Variants in NEK4 observed in about 807,000 individuals in gnomAD.
NEK4 encodes the protein NIMA related kinase 4, also known as serine/threonine-protein kinase Nek4.
Under a neutral mutation model 98.4 loss-of-function variants are expected in NEK4, and 86 were observed. The observed-to-expected ratio is 0.87, with a 90% CI of 0.73 to 1.05. The LOEUF (loss-of-function observed/expected upper bound fraction) is 1.05, where lower values mean the gene tolerates loss of function less well. NEK4 is among the 50% of genes least tolerant of loss of function. The probability of loss-of-function intolerance (pLI) is 0.00; values close to 1 mark genes in which losing one functional copy is unlikely to be tolerated. For missense variants in NEK4, 898 were observed against 950.3 expected (o/e 0.94, Z 0.72); for synonymous variants, 328 against 342.2 (o/e 0.96, Z 0.46).
At chr3:52,717,803 T>TC (rs2097356579) in intron 15 of NEK4, among the ~76,000 whole-genome samples, 1 of 152,066 alleles carries the variant, frequency 6.6e-6, no homozygotes, top group Non-Finnish European at 1.5e-5. Flanking sequence ...TTATTATTAT[T>TC]CTTTGAGACA....
At chr3:52,714,561 G>A (rs2097353371) in intron 15 of NEK4, among the ~76,000 whole-genome samples, 1 of 152,200 alleles carries the variant, frequency 6.6e-6, no homozygotes, top group Admixed American at 6.5e-5. Context: ...CTGTGGGGAG[G>A]GCAAGGGGAG....
At chr3:52,754,483 T>C in intron 6 of NEK4, 1 of 735,530 alleles carries the variant, frequency 1.4e-6, no homozygotes, top group Admixed American at 1.9e-5. Context: ...AGGTATGTAT[T>C]ACTCGTCTGT....
intron 6 of NEK4, among the ~76,000 whole-genome samples, chr3:52,756,611 A>G (rs2097415548): frequency 6.6e-6 from 1 of 152,194 alleles, no homozygotes; most frequent in Non-Finnish European, 1.5e-5. Context: ...ACTCAAAATG[A>G]ACAAAAAACC....
intron 6 of NEK4, chr3:52,754,720 C>T (rs1469687314): frequency 2.8e-5 from 14 of 501,484 alleles, no homozygotes; most frequent in Non-Finnish European, 5.6e-5. Context: ...GTACACCATG[C>T]ACTTTCCTGC....
chr3:52,729,343 T>C (rs967269711), intron 15 of NEK4, among the ~76,000 whole-genome samples: 20 of 152,034 alleles, frequency 1.3e-4, no homozygotes, highest in Admixed American at 1.0e-3. Flanking sequence ...CGTTGAAATA[T>C]TGGGGGTGGG....
chr3:52,770,614 T>C, intron 1 of NEK4, 40 bp downstream of exon 1: 2 of 1,454,330 alleles, frequency 1.4e-6, no homozygotes, highest in South Asian at 2.4e-5. Context: ...GGCGCACTTC[T>C]GCCCGCCCCC....
Position 52,752,032 on chromosome 3 carries a change from T to C in NEK4, c.1268A>G (p.Asn423Ser). 6.2e-7 allele frequency: 1 copy of C among 1,614,162 alleles called. No individual in the cohort carries two copies. The highest frequency in any genetic ancestry group is 1.7e-5 in the Admixed American group (1 of 60,000). ...GTCAGAGGACCACATGGGAATCAGG[T>C]TTTCAGGCTGGGCACTGGATTTAGT... is the stretch of plus-strand genomic sequence containing the variant. ...DNTKSSAQPENLIPMWSSDIV... is the reference protein window; with the variant it reads ...DNTKSSAQPESLIPMWSSDIV... The change falls in exon 7 of 16, where the codon AAC becomes AGC. Residue 423 changes from asparagine to serine, a missense_variant. By Grantham distance (46) the Asn-to-Ser change is conservative. Coordinates refer to ENST00000233027, the MANE Select transcript of NEK4 (RefSeq NM_003157.6).
intron 15 of NEK4, chr3:52,734,964 C>A: frequency 5.0e-6 from 1 of 198,096 alleles, no homozygotes; most frequent in South Asian, 8.8e-5. Flanking sequence ...AGGATTTGGC[C>A]CTGTGTATAT....
At chr3:52,752,377 A>G (rs780088715) in intron 6 of NEK4, 41 bp from the exon 7 acceptor site, 3 of 1,557,712 alleles carry the variant, frequency 1.9e-6, no homozygotes, top group East Asian at 2.3e-5. Flanking sequence ...AGCACTCCTC[A>G]TATCTTATAC....
At chr3:52,744,509 C>G (rs907877623) in intron 10 of NEK4, among the ~76,000 whole-genome samples, 24 of 151,970 alleles carry the variant, frequency 1.6e-4, no homozygotes, top group Non-Finnish European at 3.2e-4. Flanking sequence ...CATGGTGAAA[C>G]CCCGTCTCTA....
intron 15 of NEK4, among the ~76,000 whole-genome samples, chr3:52,715,006 G>A (rs1489874458): frequency 6.6e-6 from 1 of 152,222 alleles, no homozygotes; most frequent in Non-Finnish European, 1.5e-5. Context: ...CACGTGTACC[G>A]TGGCATGAAC....
At chr3:52,714,805 C>A (rs2097353616) in intron 15 of NEK4, among the ~76,000 whole-genome samples, 1 of 152,216 alleles carries the variant, frequency 6.6e-6, no homozygotes, top group African/African-American at 2.4e-5. Flanking sequence ...ATTACCCCCA[C>A]CCCCAGCTCC....
chr3:52,721,414 CCATA>C (rs755094747), intron 15 of NEK4, among the ~76,000 whole-genome samples: 8 of 151,996 alleles, frequency 5.3e-5, no homozygotes, highest in Non-Finnish European at 1.2e-4. Context: ...CTTTTGGGGG[CCATA>C]CATTGAAGGA....
intron 15 of NEK4, among the ~76,000 whole-genome samples, chr3:52,719,669 G>C (rs1449228141): frequency 6.6e-6 from 1 of 150,794 alleles, no homozygotes; most frequent in Non-Finnish European, 1.5e-5. Flanking sequence ...AATTTAAAAA[G>C]TAAAGAAAGG....
chr3:52,725,242 C>A (rs983126935), intron 15 of NEK4, among the ~76,000 whole-genome samples: 1 of 152,118 alleles, frequency 6.6e-6, no homozygotes, highest in African/African-American at 2.4e-5. Context: ...CCGGGCGCTG[C>A]GGCTCACGCC....
intron 14 of NEK4, among the ~76,000 whole-genome samples, chr3:52,738,143 C>T (rs1400341998): frequency 6.6e-6 from 1 of 151,578 alleles, no homozygotes. Flanking sequence ...CAGGGTCTTG[C>T]ACTGTCATAG....
intron 15 of NEK4, among the ~76,000 whole-genome samples, chr3:52,718,852 G>T (rs112157875): frequency 6.6e-6 from 1 of 152,136 alleles, no homozygotes; most frequent in African/African-American, 2.4e-5. Flanking sequence ...CCGCCTCCTG[G>T]GCTCAAGTGA....
chr3:52,728,885 G>T (rs2097367038), intron 15 of NEK4, among the ~76,000 whole-genome samples: 1 of 152,136 alleles, frequency 6.6e-6, no homozygotes, highest in Non-Finnish European at 1.5e-5. Context: ...ACTGAAATAT[G>T]CCCTGGTCTC....
chr3:52,744,112 C>A (rs1412726119), intron 11 of NEK4, 127 bp downstream of exon 11: 7 of 725,014 alleles, frequency 9.7e-6, no homozygotes, highest in Non-Finnish European at 1.7e-5. Context: ...AAATCTTTTC[C>A]AACTCGATTT....
Sources: gnomAD v4.1 joint callset for allele counts (sites outside exome capture counted in the v4.1 genomes callset) on GRCh38, gnomAD v4.1.1 for gene constraint, MANE v1.5 for transcripts, NCBI Gene and HGNC (gene_info 2026-07-23, HGNC 2026-07-21) for gene names.